Variants in KCTD8 observed in about 807,000 individuals in gnomAD.
KCTD8 encodes BTB/POZ domain-containing protein KCTD8.
In KCTD8, 27 loss-of-function variants were observed where a neutral mutation model predicts 31.5. The ratio of observed to expected loss-of-function variants is 0.86; its 90% confidence interval spans 0.63 to 1.18. The LOEUF (loss-of-function observed/expected upper bound fraction) is 1.18, where lower values mean the gene tolerates loss of function less well. Among genes scored for constraint, KCTD8 ranks in the 50% most tolerant of loss-of-function variants. The probability of loss-of-function intolerance (pLI) is 0.00; values close to 1 mark genes in which losing one functional copy is unlikely to be tolerated. For synonymous variants in KCTD8, 290 were observed against 280.0 expected (o/e 1.04, Z -0.36); for missense variants, 658 against 647.7 (o/e 1.02, Z -0.17).
chr4:44,362,882 AT>A (rs932394336), intron 1 of KCTD8, among the ~76,000 whole-genome samples: 4 of 152,022 alleles, frequency 2.6e-5, no homozygotes, highest in African/African-American at 9.7e-5. Flanking sequence ...TAGAAATATA[AT>A]TTTTAAATAC....
intron 1 of KCTD8, among the ~76,000 whole-genome samples, chr4:44,296,136 A>G: frequency 6.6e-6 from 1 of 152,032 alleles, no homozygotes; most frequent in Non-Finnish European, 1.5e-5. Flanking sequence ...GTGCAAACAG[A>G]GATCATGAAT....
chr4:44,182,401 A>G (rs1446825330), intron 1 of KCTD8, among the ~76,000 whole-genome samples: 1 of 152,264 alleles, frequency 6.6e-6, no homozygotes, highest in Non-Finnish European at 1.5e-5. Context: ...GTGTCTGTGT[A>G]GAAAGAAGTA....
At chr4:44,264,569 G>A (rs573515996) in intron 1 of KCTD8, among the ~76,000 whole-genome samples, 13 of 152,302 alleles carry the variant, frequency 8.5e-5, no homozygotes, top group South Asian at 2.1e-4. Context: ...TGTGTGAGCC[G>A]AAGCAAGGCG....
intron 1 of KCTD8, among the ~76,000 whole-genome samples, chr4:44,358,512 C>T (rs1393242763): frequency 1.3e-5 from 2 of 152,004 alleles, no homozygotes; most frequent in African/African-American, 4.8e-5. Context: ...CTCCCACCAA[C>T]AGTGTCCAAG....
intron 1 of KCTD8, among the ~76,000 whole-genome samples, chr4:44,242,577 C>A (rs1715535930): frequency 6.8e-6 from 1 of 147,558 alleles, no homozygotes; most frequent in Admixed American, 6.6e-5. Context: ...GATTCCGTCT[C>A]AAAAACAAAC....
intron 1 of KCTD8, among the ~76,000 whole-genome samples, chr4:44,300,567 A>C (rs1282665760): frequency 6.6e-6 from 1 of 152,202 alleles, no homozygotes; most frequent in Non-Finnish European, 1.5e-5. Context: ...TTCTATTAAA[A>C]GGTTACAGAA....
chr4:44,315,119 G>A (rs901209862), intron 1 of KCTD8, among the ~76,000 whole-genome samples: 11 of 151,810 alleles, frequency 7.2e-5, no homozygotes, highest in Non-Finnish European at 1.6e-4. Flanking sequence ...ATGTTTGTGA[G>A]TTAATCATTT....
At chr4:44,350,243 C>T (rs1385505566) in intron 1 of KCTD8, among the ~76,000 whole-genome samples, 2 of 152,040 alleles carry the variant, frequency 1.3e-5, no homozygotes, top group African/African-American at 2.4e-5. Flanking sequence ...TGCATTATGC[C>T]GTTTTCACAA....
intron 1 of KCTD8, among the ~76,000 whole-genome samples, chr4:44,404,586 T>G (rs563910637): frequency 1.3e-5 from 2 of 152,200 alleles, no homozygotes; most frequent in Non-Finnish European, 2.9e-5. Context: ...TTGGGTATGA[T>G]AGAAGTTTTG....
At chr4:44,232,260 T>C (rs2109352978) in intron 1 of KCTD8, among the ~76,000 whole-genome samples, 1 of 152,212 alleles carries the variant, frequency 6.6e-6, no homozygotes, top group South Asian at 2.1e-4. Context: ...TGCCTCAAAC[T>C]CTCTTAATGG....
chr4:44,290,126 C>T (rs539217019), intron 1 of KCTD8, among the ~76,000 whole-genome samples: 39 of 151,772 alleles, frequency 2.6e-4, no homozygotes, highest in Non-Finnish European at 5.3e-4. Flanking sequence ...GAAAGATCTA[C>T]CATACAAATG....
intron 1 of KCTD8, among the ~76,000 whole-genome samples, chr4:44,182,122 G>T (rs1002694454): frequency 2.6e-4 from 39 of 151,586 alleles, no homozygotes; most frequent in African/African-American, 9.5e-4. Flanking sequence ...GGAGGAAGGT[G>T]GGGGGTCAGC....
chr4:44,271,534 C>T (rs1716601816), intron 1 of KCTD8, among the ~76,000 whole-genome samples: 1 of 152,084 alleles, frequency 6.6e-6, no homozygotes, highest in African/African-American at 2.4e-5. Flanking sequence ...AACAAAATCT[C>T]TGCAGCATTG....
intron 1 of KCTD8, among the ~76,000 whole-genome samples, chr4:44,260,466 A>G (rs1386276213): frequency 6.6e-6 from 1 of 152,008 alleles, no homozygotes; most frequent in Non-Finnish European, 1.5e-5. Context: ...TGATAAAAAC[A>G]TTGAAGAAAA....
intron 1 of KCTD8, among the ~76,000 whole-genome samples, chr4:44,207,248 A>T (rs901307360): frequency 2.6e-5 from 4 of 152,236 alleles, no homozygotes; most frequent in Non-Finnish European, 5.9e-5. Context: ...CTCCAAATGC[A>T]GTGCAAATGG....
intron 1 of KCTD8, among the ~76,000 whole-genome samples, chr4:44,393,713 G>C (rs897778933): frequency 2.0e-5 from 3 of 151,802 alleles, no homozygotes; most frequent in Non-Finnish European, 4.4e-5. Context: ...AAACATAAAT[G>C]ATAGTAATAA....
chr4:44,349,182 T>C (rs939680688), intron 1 of KCTD8, among the ~76,000 whole-genome samples: 1 of 151,630 alleles, frequency 6.6e-6, no homozygotes, highest in Non-Finnish European at 1.5e-5. Context: ...GATCCTAGGA[T>C]AAACATTTTG....
intron 1 of KCTD8, among the ~76,000 whole-genome samples, chr4:44,395,534 G>A (rs1463715712): frequency 6.6e-6 from 1 of 151,986 alleles, no homozygotes. Context: ...AAAATGGATG[G>A]CACAGTTCCA....
intron 1 of KCTD8, among the ~76,000 whole-genome samples, chr4:44,432,726 C>T (rs540839832): frequency 6.6e-6 from 1 of 151,652 alleles, no homozygotes; most frequent in East Asian, 1.9e-4. Flanking sequence ...ATTTATGTAA[C>T]CACACCAGAC....
Sources: allele counts gnomAD v4.1 joint callset (sites outside exome capture counted in the v4.1 genomes callset), GRCh38; gene constraint gnomAD v4.1.1; transcripts MANE v1.5; gene names NCBI Gene and HGNC (gene_info 2026-07-23, HGNC 2026-07-21).